The following SMC6 variants were observed in gnomAD, a reference collection of about 807,000 sequenced individuals.
SMC6 encodes structural maintenance of chromosomes protein 6.
In SMC6, 79 loss-of-function variants were observed where a neutral mutation model predicts 142.2. The ratio of observed to expected loss-of-function variants is 0.56; its 90% CI spans 0.46 to 0.67. The LOEUF (loss-of-function observed/expected upper bound fraction) is 0.67, where lower values mean the gene tolerates loss of function less well. Ranked by LOEUF, SMC6 falls within the 30% of genes least tolerant of loss-of-function variation. SMC6 has a pLI of 0.00. For missense variants in SMC6, 1,072 were observed against 1,284.0 expected, an observed-to-expected ratio of 0.83 and a Z score of 2.52; for synonymous variants, 411 against 412.4, an observed-to-expected ratio of 1.00 and a Z score of 0.04.
intron 2 of SMC6, among the ~76,000 whole-genome samples, chr2:17,751,005 C>CAAAAAA (rs34661130): frequency 1.1e-4 from 6 of 53,800 alleles, no homozygotes; most frequent in Admixed American, 2.7e-4. Context: ...ACAGCTGTCT[C>CAAAAAA]AAAAAAAAAA....
rs1055273817 is a variant in SMC6 at position 17,665,486 on chromosome 2, G to C, written c.*13C>G. On this transcript the variant is annotated 3_prime_UTR_variant, in exon 28 of 28. Coordinates refer to ENST00000448223, the MANE Select transcript of SMC6 (RefSeq NM_001142286.2). ...ATCCTTCAACATCAGGACAAGGCAT[G>C]TTAAGTTACAAATCACCTTTGGTCA... 1 of 1,581,518 alleles carries C rather than the reference G, an allele frequency of 6.3e-7. No homozygotes were observed. The highest frequency in any genetic ancestry group is 8.7e-7 in the Non-Finnish European group (1 of 1,154,678).
Position 17,666,445 on chromosome 2 carries a change from T to C in SMC6, c.3136A>G (p.Ile1046Val), listed in dbSNP as rs1216735235. 1 of 1,613,678 alleles carries C rather than the reference T, an allele frequency of 6.2e-7. No homozygotes were observed. The highest frequency in any genetic ancestry group is 1.3e-5 in the African/African-American group (1 of 74,916). Residue 1046 changes from isoleucine to valine, a missense_variant, in exon 27 of 28, where the codon ATC (isoleucine) becomes GTC (valine). This residue lies in a region of SMC6 where 76 missense variants were observed against 112.3 expected (regional missense o/e 0.68). Transcript: ENST00000448223. ...CTCATGCTTTGAGGTGTGAGCAAGA[T>C]AAACTGTCTAAAACGCTGGGAATCT... ...MADSQRFRQF[I>V]LLTPQSMSSL...
intron 25 of SMC6, among the ~76,000 whole-genome samples, chr2:17,676,773 A>G (rs1667010418): frequency 6.6e-6 from 1 of 152,168 alleles, no homozygotes; most frequent in Admixed American, 6.6e-5. Flanking sequence ...TATCTCTGGC[A>G]GATTTTTCCC....
intron 26 of SMC6, among the ~76,000 whole-genome samples, 185 bp from the exon 27 acceptor site, chr2:17,666,702 G>T (rs771485488): frequency 2.6e-5 from 4 of 152,114 alleles, no homozygotes; most frequent in African/African-American, 9.7e-5. Flanking sequence ...GAGAAAATTG[G>T]CTGGGTGCAG....
chr2:17,693,289 C>T (rs1016851730), intron 23 of SMC6, among the ~76,000 whole-genome samples: 3 of 151,996 alleles, frequency 2.0e-5, no homozygotes, highest in Non-Finnish European at 4.4e-5. Flanking sequence ...TAGCAAAGAC[C>T]TGGAACCAAC....
At chr2:17,734,172 A>G (rs901393053) in intron 5 of SMC6, among the ~76,000 whole-genome samples, 3 of 152,248 alleles carry the variant, frequency 2.0e-5, no homozygotes, top group African/African-American at 7.2e-5. Context: ...GATGCAATTA[A>G]AAGAAAGCCC....
intron 18 of SMC6, among the ~76,000 whole-genome samples, chr2:17,706,684 G>C (rs375441432): frequency 5.9e-5 from 9 of 151,984 alleles, no homozygotes; most frequent in African/African-American, 1.9e-4. Context: ...ATTTCTTTTT[G>C]CATGCTCATG....
At chr2:17,747,904 T>C (rs534769166) in intron 2 of SMC6, among the ~76,000 whole-genome samples, 1 of 152,378 alleles carries the variant, frequency 6.6e-6, no homozygotes, top group South Asian at 2.1e-4. Context: ...AACTCCACTG[T>C]ACACTCATAA....
At chr2:17,741,360 T>C (rs1670464223) in intron 4 of SMC6, among the ~76,000 whole-genome samples, 1 of 152,166 alleles carries the variant, frequency 6.6e-6, no homozygotes, top group African/African-American at 2.4e-5. Context: ...ATGGTACAGA[T>C]TCCAAGATAA....
At chr2:17,735,321 T>C (rs1670099251) in intron 5 of SMC6, among the ~76,000 whole-genome samples, 1 of 152,186 alleles carries the variant, frequency 6.6e-6, no homozygotes, top group East Asian at 1.9e-4. Flanking sequence ...AGTAAGAATT[T>C]GGCTTCTTTC....
intron 23 of SMC6, among the ~76,000 whole-genome samples, chr2:17,690,871 C>G (rs772822516): frequency 8.6e-5 from 13 of 151,608 alleles, no homozygotes; most frequent in Non-Finnish European, 1.8e-4. Flanking sequence ...TGTAGGAAAA[C>G]AGGCACTCTA....
chr2:17,710,713 G>A (rs192856038), intron 16 of SMC6, among the ~76,000 whole-genome samples: 5 of 152,310 alleles, frequency 3.3e-5, no homozygotes, highest in Admixed American at 3.3e-4. Flanking sequence ...GAAGAGTAAT[G>A]ACTTTGAGTC....
At chr2:17,750,286 A>T (rs1234238695) in intron 2 of SMC6, among the ~76,000 whole-genome samples, 9 of 152,222 alleles carry the variant, frequency 5.9e-5, no homozygotes, top group Non-Finnish European at 8.8e-5. Context: ...GAAGAGATAA[A>T]ACAAGAGATT....
chr2:17,732,707 A>C (rs1057485175), intron 5 of SMC6, among the ~76,000 whole-genome samples: 1 of 152,146 alleles, frequency 6.6e-6, no homozygotes, highest in African/African-American at 2.4e-5. Context: ...TCAAAAAAAA[A>C]AAAGAAAAAA....
chr2:17,720,842 CTG>C, intron 11 of SMC6, 96 bp downstream of exon 11: 1 of 990,832 alleles, frequency 1.0e-6, no homozygotes, highest in South Asian at 1.5e-5. Context: ...GACAAATATA[CTG>C]TCTGAAACTG....
At position 17,714,921 on chromosome 2, in the gene SMC6, G is replaced by A. The variant is rs1669004621; in HGVS notation, c.1670C>T (p.Thr557Ile). 2 of 1,613,502 alleles carry A rather than the reference G, an allele frequency of 1.2e-6. No individual in the cohort carries two copies. The highest frequency in any genetic ancestry group is 2.2e-5 in the South Asian group (2 of 91,030). Reference protein sequence around the residue: ...ALMKRFYLPGTSRPPIIVSEF... With the variant: ...ALMKRFYLPGISRPPIIVSEF... ...AGAAACTATTATCGGTGGCCGTGAG[G>A]TCCCTGGTAAATAAAACCTTTTCAT... Residue 557 changes from threonine to isoleucine, a missense_variant, in exon 16 of 28, where the codon ACC becomes ATC. Thr to Ile is a moderately conservative substitution (Grantham distance 89). Around this residue, in one of 3 missense-constraint regions of SMC6, gnomAD observed 994 missense variants for 1,153.2 expected, o/e 0.86. Transcript: ENST00000448223.
intron 15 of SMC6, 63 bp from the exon 16 acceptor site, chr2:17,715,128 C>A (rs1463536170): frequency 6.8e-7 from 1 of 1,466,238 alleles, no homozygotes; most frequent in African/African-American, 1.4e-5. Flanking sequence ...TTAACATCCT[C>A]CTCTTTAATT....
intron 23 of SMC6, 48 bp downstream of exon 23, chr2:17,695,104 G>T: frequency 3.1e-6 from 5 of 1,593,080 alleles, no homozygotes; most frequent in Admixed American, 3.6e-5. Context: ...TTGTCTTGAT[G>T]ATATGCATGA....
At chr2:17,700,824 G>A (rs1358977524) in intron 20 of SMC6, among the ~76,000 whole-genome samples, 2 of 152,106 alleles carry the variant, frequency 1.3e-5, no homozygotes, top group African/African-American at 2.4e-5. Context: ...CTAAGGACAG[G>A]AGTTTGAGAC....
Sources: allele counts gnomAD v4.1 joint callset (sites outside exome capture counted in the v4.1 genomes callset), GRCh38; gene constraint gnomAD v4.1.1; regional missense constraint gnomAD v4.1.1; transcripts MANE v1.5; gene names NCBI Gene and HGNC (gene_info 2026-07-23, HGNC 2026-07-21).